The following BABAM2 variants were observed in gnomAD, a reference collection of about 807,000 sequenced individuals.
The protein encoded by BABAM2 is BRISC and BRCA1-A complex member 2.
BABAM2 carries 31 observed loss-of-function variants against 54.7 expected under a neutral mutation model. The observed-to-expected ratio is 0.57, with a 90% CI of 0.43 to 0.77. The LOEUF is 0.77. Ranked by LOEUF, BABAM2 falls within the 30% of genes least tolerant of loss-of-function variation. The pLI is 0.00. For synonymous variants in BABAM2, 167 were observed against 162.9 expected (o/e 1.03, Z -0.19); for missense variants, 364 against 455.8 (o/e 0.80, Z 1.83).
At chr2:28,263,729 C>T (rs1405179799) in intron 10 of BABAM2, among the ~76,000 whole-genome samples, 5 of 152,236 alleles carry the variant, frequency 3.3e-5, no homozygotes, top group African/African-American at 9.6e-5. Flanking sequence ...ATTCCAACCT[C>T]AGAGCACGTG....
intron 10 of BABAM2, among the ~76,000 whole-genome samples, chr2:28,294,141 G>T (rs1687499581): frequency 1.3e-5 from 2 of 152,190 alleles, no homozygotes; most frequent in South Asian, 4.1e-4. Flanking sequence ...AGCACTTTGG[G>T]AGGCTGAGGC....
chr2:28,131,120 C>T (rs1163435719), intron 7 of BABAM2, among the ~76,000 whole-genome samples: 1 of 8,514 alleles, frequency 1.2e-4, no homozygotes, highest in African/African-American at 4.2e-4. Flanking sequence ...CTCGCTCTGT[C>T]GCCCAGGCTG....
chr2:28,197,641 G>C (rs1365183678), intron 7 of BABAM2, among the ~76,000 whole-genome samples: 1 of 152,204 alleles, frequency 6.6e-6, no homozygotes, highest in Non-Finnish European at 1.5e-5. Flanking sequence ...AGCCATAGTA[G>C]AGAGTACTAG....
At chr2:28,026,571 G>T (rs776436476) in intron 5 of BABAM2, among the ~76,000 whole-genome samples, 1 of 150,312 alleles carries the variant, frequency 6.7e-6, no homozygotes, top group East Asian at 2.0e-4. Flanking sequence ...ATCACACACC[G>T]GTGCCTGTTG....
At chr2:27,897,994 G>T (rs576854602) in intron 2 of BABAM2, among the ~76,000 whole-genome samples, 1 of 152,140 alleles carries the variant, frequency 6.6e-6, no homozygotes, top group Non-Finnish European at 1.5e-5. Flanking sequence ...TTCTCAGTTT[G>T]TGGTTTTGAC....
intron 7 of BABAM2, among the ~76,000 whole-genome samples, chr2:28,214,368 A>G (rs1053187275): frequency 1.7e-4 from 26 of 152,062 alleles, no homozygotes; most frequent in African/African-American, 5.8e-4. Flanking sequence ...TACATTTTTA[A>G]TTTTGATTTC....
At chr2:27,936,854 C>T (rs1463115404) in intron 3 of BABAM2, among the ~76,000 whole-genome samples, 3 of 151,820 alleles carry the variant, frequency 2.0e-5, no homozygotes, top group South Asian at 2.1e-4. Context: ...TGCTAAATGA[C>T]GAGTTAATGG....
chr2:28,118,215 T>C (rs1668769682), intron 6 of BABAM2, among the ~76,000 whole-genome samples: 1 of 152,254 alleles, frequency 6.6e-6, no homozygotes, highest in African/African-American at 2.4e-5. Context: ...GAATGATTTA[T>C]ATTCCTTTGG....
chr2:27,967,468 C>G lies in BABAM2; in HGVS notation c.206-20525C>G, dbSNP rs368669744. On this transcript the variant is annotated intron_variant, in intron 3 of 11. Coordinates refer to ENST00000379624, the MANE Select transcript of BABAM2 (RefSeq NM_199191.3). The stretch of plus-strand genomic sequence containing the variant: ...TGTGAGTTCTCCTTCAAACCTCTTT[C>G]CTTTGTAAATTGCCTGGTCTCAGGT... Among the ~76,000 whole-genome samples the G allele has an allele frequency of 4.6e-5, 7 of 152,262 alleles. No individual in the cohort carries two copies. The East Asian group carries it at 1.4e-3, about 29-fold the overall frequency.
intron 7 of BABAM2, among the ~76,000 whole-genome samples, chr2:28,219,000 A>G (rs1006363500): frequency 2.6e-5 from 4 of 152,212 alleles, no homozygotes; most frequent in Non-Finnish European, 5.9e-5. Context: ...TTTGAATGCT[A>G]TATTAGATTT....
intron 6 of BABAM2, among the ~76,000 whole-genome samples, chr2:28,056,472 T>G (rs529428718): frequency 6.6e-6 from 1 of 151,904 alleles, no homozygotes; most frequent in Admixed American, 6.6e-5. Context: ...TTATTTAAAA[T>G]TTTTTTTTAT....
chr2:28,321,779 C>T (rs1690041289), intron 11 of BABAM2, among the ~76,000 whole-genome samples: 1 of 152,066 alleles, frequency 6.6e-6, no homozygotes, highest in Non-Finnish European at 1.5e-5. Flanking sequence ...TAAAAATAAA[C>T]TTAGCAAAGG....
intron 7 of BABAM2, among the ~76,000 whole-genome samples, chr2:28,166,721 T>C (rs1256856844): frequency 1.3e-5 from 2 of 152,200 alleles, no homozygotes; most frequent in African/African-American, 4.8e-5. Context: ...CAGTTATCTT[T>C]GGTTTGATCC....
intron 6 of BABAM2, among the ~76,000 whole-genome samples, chr2:28,066,981 C>G (rs996885252): frequency 5.3e-5 from 8 of 152,182 alleles, no homozygotes; most frequent in Non-Finnish European, 1.2e-4. Flanking sequence ...GAGTTTTGCT[C>G]TTGTCGCCCA....
intron 3 of BABAM2, 82 bp downstream of exon 3, chr2:27,929,990 G>C (rs769702608): frequency 1.4e-5 from 18 of 1,289,962 alleles, no homozygotes; most frequent in Non-Finnish European, 1.9e-5. Context: ...TTCATTTCCG[G>C]CTGTTAGTTG....
At chr2:28,127,489 A>G (rs1669657652) in intron 6 of BABAM2, among the ~76,000 whole-genome samples, 1 of 150,786 alleles carries the variant, frequency 6.6e-6, no homozygotes, top group South Asian at 2.1e-4. Flanking sequence ...TCTTCCAAGC[A>G]GTCTGTGAAG....
At chr2:28,021,363 A>G (rs773622059) in intron 4 of BABAM2, among the ~76,000 whole-genome samples, 19 of 152,190 alleles carry the variant, frequency 1.2e-4, no homozygotes, top group Non-Finnish European at 2.5e-4. Context: ...AGGGTCAGAC[A>G]TTGGTGCCGT....
intron 6 of BABAM2, among the ~76,000 whole-genome samples, chr2:28,047,144 G>A (rs1677643657): frequency 6.6e-6 from 1 of 151,948 alleles, no homozygotes; most frequent in Admixed American, 6.6e-5. Context: ...TCTCCATTTT[G>A]TACCCAAGAG....
intron 7 of BABAM2, among the ~76,000 whole-genome samples, chr2:28,208,122 G>A (rs1679073496): frequency 1.3e-5 from 2 of 151,926 alleles, no homozygotes; most frequent in African/African-American, 4.8e-5. Flanking sequence ...AGATTTCACT[G>A]AGCAGTGTTA....
Sources: gnomAD v4.1 joint callset for allele counts (sites outside exome capture counted in the v4.1 genomes callset) on GRCh38, gnomAD v4.1.1 for gene constraint, MANE v1.5 for transcripts, NCBI Gene and HGNC (gene_info 2026-07-23, HGNC 2026-07-21) for gene names.